STK33: variants seen among roughly 807,000 people sequenced by gnomAD.
STK33 encodes the protein serine/threonine-protein kinase 33.
STK33 carries 52 observed loss-of-function variants against 58.0 expected under a neutral mutation model. The ratio of observed to expected loss-of-function variants is 0.90; its 90% CI spans 0.72 to 1.13. The LOEUF is 1.13. Among genes scored for constraint, STK33 ranks in the 50% most tolerant of loss-of-function variants. The probability of loss-of-function intolerance (pLI) is 0.00; values close to 1 mark genes in which losing one functional copy is unlikely to be tolerated. For missense variants in STK33, 630 were observed against 604.2 expected (o/e 1.04, Z -0.45); for synonymous variants, 215 against 200.1 (o/e 1.07, Z -0.63).
chr11:8,379,708 A>T, the STK33 span, among the ~76,000 whole-genome samples: 4 of 152,124 alleles, frequency 2.6e-5, no homozygotes, highest in Admixed American at 1.3e-4. Context: ...TGTTGTACAG[A>T]TTATTTTGTC....
intron 1 of STK33, among the ~76,000 whole-genome samples, chr11:8,542,727 C>T (rs1448434946): frequency 6.6e-6 from 1 of 150,690 alleles, no homozygotes; most frequent in Non-Finnish European, 1.5e-5. Context: ...ATTTAGTTTG[C>T]ACTTTTTTTT....
chr11:8,457,386 T>G lies in STK33; in HGVS notation c.652A>C (p.Ile218Leu). The G allele has an allele frequency of 1.2e-6, 2 of 1,606,722 alleles. No homozygotes were observed. The highest frequency in any genetic ancestry group is 1.7e-6 in the Non-Finnish European group (2 of 1,174,894). The stretch of plus-strand genomic sequence containing the variant: ...ATAGCTGATGCGAGACTTTGAATGA[T>G]CCACCTTGTCTCATTCTCTGAGAAA... ...GHFSENETRW[I>L]IQSLASAIAY... is the part of the protein sequence containing the mutation. Residue 218 changes from isoleucine (I) to leucine (L), a missense_variant, in exon 9 of 16, where the codon ATC becomes CTC. By Grantham distance (5) the Ile-to-Leu change is conservative. Transcript: ENST00000687296.
At chr11:8,358,896 G>A in the STK33 span, among the ~76,000 whole-genome samples, 1 of 152,164 alleles carries the variant, frequency 6.6e-6, no homozygotes, top group African/African-American at 2.4e-5. Context: ...GAGAAGGCTG[G>A]CAGATACCAC....
At chr11:8,582,831 CA>C (rs2030651946) in intron 1 of STK33, among the ~76,000 whole-genome samples, 1 of 152,124 alleles carries the variant, frequency 6.6e-6, no homozygotes, top group African/African-American at 2.4e-5. Flanking sequence ...GATAAGTCAC[CA>C]AAGCAAACCC....
the STK33 span, among the ~76,000 whole-genome samples, chr11:8,338,339 C>T: frequency 3.9e-5 from 6 of 152,192 alleles, no homozygotes; most frequent in African/African-American, 1.2e-4. Flanking sequence ...AGACATTCCC[C>T]GGGCCGGAGG....
chr11:8,375,606 C>T, the STK33 span, among the ~76,000 whole-genome samples: 12 of 152,170 alleles, frequency 7.9e-5, no homozygotes, highest in African/African-American at 2.9e-4. Context: ...TTGTCTGCAA[C>T]TTCCTTGTTT....
At chr11:8,543,006 C>T (rs150369444) in intron 1 of STK33, among the ~76,000 whole-genome samples, 21 of 152,270 alleles carry the variant, frequency 1.4e-4, no homozygotes, top group African/African-American at 5.1e-4. Flanking sequence ...CCACTGCACC[C>T]GGCCTGGTTT....
intron 1 of STK33, among the ~76,000 whole-genome samples, chr11:8,498,547 A>G (rs1204464375): frequency 6.6e-6 from 1 of 152,226 alleles, no homozygotes; most frequent in Non-Finnish European, 1.5e-5. Flanking sequence ...TATCCCCATC[A>G]AGCTACCATT....
In STK33 at chr11:8,473,262, T is replaced by G; in HGVS notation, c.240A>C (p.Ser80=). ...GCTGAGATGCTTTTCTCTCTACATT[T>G]GAGGTTCTTGAGGGCTGGGACCAAA... The part of the protein sequence containing the change: ...TSRKDLPSRT[S]NVERKASQQQ... The change falls in exon 6 of 16, where the codon TCA becomes TCC. Residue 80 remains serine, a synonymous_variant. Coordinates refer to ENST00000687296, the MANE Select transcript of STK33 (RefSeq NM_001352389.2). The G allele has an allele frequency of 1.2e-6, 2 of 1,606,026 alleles. No individual in the cohort carries two copies. Among genetic ancestry groups the G allele is most frequent in the Non-Finnish European group, 1.7e-6 (2 of 1,176,586 alleles).
intron 15 of STK33, among the ~76,000 whole-genome samples, 172 bp from the exon 16 acceptor site, chr11:8,392,882 C>A (rs566446854): frequency 1.3e-5 from 2 of 152,210 alleles, no homozygotes; most frequent in East Asian, 1.9e-4. Context: ...GATCCTTTTG[C>A]ACCTTTAAGA....
chr11:8,396,122 A>G (rs1440117432), intron 15 of STK33, among the ~76,000 whole-genome samples: 2 of 152,000 alleles, frequency 1.3e-5, no homozygotes, highest in Non-Finnish European at 2.9e-5. Flanking sequence ...ATATTTTTTG[A>G]GGTGGAGTTT....
intron 14 of STK33, chr11:8,434,354 T>C (rs1943803442): frequency 6.5e-6 from 1 of 153,378 alleles, no homozygotes; most frequent in Non-Finnish European, 1.5e-5. Flanking sequence ...AATAATAGAT[T>C]TATAATTTTT....
intron 1 of STK33, among the ~76,000 whole-genome samples, chr11:8,526,855 T>C (rs1029825024): frequency 2.9e-5 from 4 of 139,980 alleles, no homozygotes; most frequent in East Asian, 2.1e-4. Flanking sequence ...GACAAAAATA[T>C]AGATACTGTA....
At chr11:8,586,657 G>A (rs1419168857) in intron 1 of STK33, among the ~76,000 whole-genome samples, 3 of 151,750 alleles carry the variant, frequency 2.0e-5, no homozygotes, top group Non-Finnish European at 4.4e-5. Flanking sequence ...AACCCCGTCT[G>A]TACTAAAACT....
rs1266108588 is a variant in STK33, at chr11:8,435,486, T to A, written c.1146+8A>T. 3 of 1,390,362 alleles carry A rather than the reference T, an allele frequency of 2.2e-6. No individual in the cohort carries two copies. Among genetic ancestry groups the A allele is most frequent in the Non-Finnish European group, 2.9e-6 (3 of 1,046,820 alleles). 86.1% of individuals were successfully genotyped at this position (1,390,362 alleles called of 1,614,324 possible). A position where few individuals can be genotyped will look rare whatever the true frequency, so the allele number is the denominator to read the frequency against. On this transcript the variant is annotated splice_region_variant and intron_variant, in intron 14 of 15. Transcript: ENST00000687296. ...TGTCAGAAAGAAAAAAGTAATATTG[T>A]AACTTACTGTTAACCACTGGTTATC...
At chr11:8,357,072 C>G in the STK33 span, among the ~76,000 whole-genome samples, 3,186 of 152,360 alleles carry the variant, frequency 0.021, 56 homozygotes, top group South Asian at 0.068. Flanking sequence ...CCCTCCTTCC[C>G]GGCCTGCCCT....
the STK33 span, among the ~76,000 whole-genome samples, chr11:8,380,539 G>A: frequency 1.4e-5 from 2 of 145,286 alleles, no homozygotes; most frequent in Non-Finnish European, 3.0e-5. Context: ...CAGCCTGGTT[G>A]ACAAGAGTGA....
intron 1 of STK33, among the ~76,000 whole-genome samples, chr11:8,579,324 T>C (rs1315885020): frequency 6.6e-6 from 1 of 152,034 alleles, no homozygotes; most frequent in Non-Finnish European, 1.5e-5. Context: ...CCACACTAAA[T>C]ACCAAATGAA....
intron 11 of STK33, among the ~76,000 whole-genome samples, chr11:8,448,714 T>C (rs1437127327): frequency 6.6e-6 from 1 of 152,068 alleles, no homozygotes; most frequent in East Asian, 1.9e-4. Flanking sequence ...ATTCAGGACA[T>C]AGGCATGGGC....
Sources: gnomAD v4.1 joint callset for allele counts (sites outside exome capture counted in the v4.1 genomes callset) on GRCh38, gnomAD v4.1.1 for gene constraint, MANE v1.5 for transcripts, NCBI Gene and HGNC (gene_info 2026-07-23, HGNC 2026-07-21) for gene names.